ANKRD17: variants seen among roughly 807,000 people sequenced by gnomAD.
ANKRD17 encodes the protein ankyrin repeat domain 17, also known as ankyrin repeat domain-containing protein 17.
In ANKRD17, 19 loss-of-function variants were observed where a neutral mutation model predicts 229.7. The observed-to-expected ratio is 0.08, with a 90% CI of 0.06 to 0.12. The LOEUF is 0.12. Ranked by LOEUF, ANKRD17 falls within the 10% of genes least tolerant of loss-of-function variation. The pLI is 1.00. For synonymous variants in ANKRD17, 1,112 were observed against 1,146.1 expected (o/e 0.97, Z 0.60); for missense variants, 2,176 against 3,176.8 (o/e 0.68, Z 7.57).
At chr4:73,200,229 T>A (rs1207341793) in intron 1 of ANKRD17, among the ~76,000 whole-genome samples, 1 of 152,214 alleles carries the variant, frequency 6.6e-6, no homozygotes, top group Non-Finnish European at 1.5e-5. Context: ...TGGAGAGTTT[T>A]CAGGCACATT....
chr4:73,096,224 AG>A (rs1434822750), intron 27 of ANKRD17, among the ~76,000 whole-genome samples: 1 of 152,252 alleles, frequency 6.6e-6, no homozygotes, highest in Non-Finnish European at 1.5e-5. Context: ...ATAATCAGCC[AG>A]TGATCATCAT....
rs189490199 is a variant in ANKRD17 at position 73,209,635 on chromosome 4, C to T, written c.394-32102G>A. On this transcript the variant is annotated intron_variant, in intron 1 of 33. Transcript: ENST00000358602. ...TTTTACGAGGCTTGCATTTCCCTTA[C>T]GCAAAAAAGATCAAATATATTACAA... Among the ~76,000 whole-genome samples, 25 of 149,356 alleles carry T rather than the reference C, an allele frequency of 1.7e-4. No individual in the cohort carries two copies. The South Asian group carries it at 3.0e-3, about 18-fold the overall frequency.
chr4:73,258,297 G>A lies in ANKRD17; in HGVS notation c.372C>T (p.Asp124=). 6.2e-7 allele frequency: 1 copy of A among 1,613,028 alleles called. No homozygotes were observed. The highest frequency in any genetic ancestry group is 1.7e-5 in the Admixed American group (1 of 59,986). Residue 124 remains aspartate, a synonymous_variant, in exon 1 of 34, where the codon GAC becomes GAT. Transcript: ENST00000358602. ...TTGCCTCAGAAACCTCCTCTTCCTCGTCGTCGTCGTCCTCTTCTTCCTCGC... is the reference window on the plus strand; with the variant it reads ...TTGCCTCAGAAACCTCCTCTTCCTCATCGTCGTCGTCCTCTTCTTCCTCGC... ...NNSEEEEDDD[D]EEEEVSEVES... is the part of the protein sequence containing the mutation.
intron 24 of ANKRD17, among the ~76,000 whole-genome samples, chr4:73,109,793 GAAGA>G (rs887146642): frequency 7.2e-5 from 11 of 151,964 alleles, no homozygotes; most frequent in African/African-American, 2.4e-4. Flanking sequence ...GTGAGAATAA[GAAGA>G]AAGGAGTAAG....
In ANKRD17 at chr4:73,091,831, T is replaced by C. The variant is rs1368102610; in HGVS notation, c.5797A>G (p.Ser1933Gly). The change falls in exon 29 of 34, where the codon AGC becomes GGC. Residue 1933 changes from serine to glycine, a missense_variant. Transcript: ENST00000358602. The part of the protein sequence containing the change: ...TWGPFPVRPL[S>G]PARATNSPKP... ...GGCGAGTTAGTAGCTCTGGCAGGGC[T>C]CAAAGGCCTGACAGGAAACGGACCC... is the stretch of plus-strand genomic sequence containing the variant. The C allele has an allele frequency of 1.2e-6, 2 of 1,614,006 alleles. No individual in the cohort carries two copies. The highest frequency in any genetic ancestry group is 1.7e-6 in the Non-Finnish European group (2 of 1,180,034).
At position 73,250,304 on chromosome 4, in the gene ANKRD17, CA is replaced by C. The variant is rs1335020004; in HGVS notation, c.393+7971del. On this transcript the variant is annotated intron_variant, in intron 1 of 33. Coordinates refer to ENST00000358602, the MANE Select transcript of ANKRD17 (RefSeq NM_032217.5). The stretch of plus-strand genomic sequence containing the variant: ...AGCTTTGAGAAATTTCACCATATAT[CA>C]AAATTGTTTATAAAGGCTGCGCACA... Among the ~76,000 whole-genome samples, 5 of 152,050 alleles carry C rather than the reference CA, an allele frequency of 3.3e-5. No individual in the cohort carries two copies. The East Asian group carries it at 7.7e-4, about 24-fold the overall frequency.
chr4:73,246,331 G>A (rs1386737202), intron 1 of ANKRD17, among the ~76,000 whole-genome samples: 1 of 152,132 alleles, frequency 6.6e-6, no homozygotes, highest in African/African-American at 2.4e-5. Flanking sequence ...ACTACACAAT[G>A]GGTTGGGTGA....
intron 25 of ANKRD17, among the ~76,000 whole-genome samples, chr4:73,102,100 GCTA>G (rs1277638652): frequency 6.6e-6 from 1 of 151,918 alleles, no homozygotes; most frequent in Non-Finnish European, 1.5e-5. Flanking sequence ...ACAGGAGTAT[GCTA>G]CTGTGTCCAG....
chr4:73,114,784 T>C (rs576143456), intron 23 of ANKRD17, among the ~76,000 whole-genome samples: 6 of 152,328 alleles, frequency 3.9e-5, no homozygotes, highest in South Asian at 4.1e-4. Flanking sequence ...TTAAAACTTA[T>C]AGGGAAAAGC....
intron 1 of ANKRD17, among the ~76,000 whole-genome samples, chr4:73,191,337 A>ATGTGTGTGTGTGTGTGTGTGTG (rs1349894740): frequency 4.8e-5 from 3 of 61,916 alleles, no homozygotes; most frequent in African/African-American, 2.1e-4. Flanking sequence ...ACCAAAAAAT[A>ATGTGTGTGTGTGTGTGTGTGTG]TATATGTGTG....
chr4:73,243,855 G>T (rs1321420536), intron 1 of ANKRD17, among the ~76,000 whole-genome samples: 2 of 152,204 alleles, frequency 1.3e-5, no homozygotes, highest in African/African-American at 4.8e-5. Flanking sequence ...TCAAAAGGAA[G>T]TTACCTATGC....
chr4:73,139,896 T>G lies in ANKRD17; in HGVS notation c.2720A>C (p.Gln907Pro), dbSNP rs1412801263. 1.2e-6 allele frequency: 2 copies of G among 1,614,234 alleles called. No homozygotes were observed. The highest frequency in any genetic ancestry group is 1.6e-4 in the Middle Eastern group (1 of 6,062). The change falls in exon 15 of 34, where the codon CAA (glutamine) becomes CCA (proline). Residue 907 changes from glutamine to proline, a missense_variant. Physicochemically the swap from Gln to Pro is moderately conservative, Grantham distance 76. Transcript: ENST00000358602. ...AACAGGAGTTAGTAATCCCAGGTGT[T>G]GGCAAGACTGTTGCTGCTGTTGCTG... ...QLQQQQQQSC[Q>P]HLGLLTPVGV... is the part of the protein sequence containing the mutation.
intron 1 of ANKRD17, among the ~76,000 whole-genome samples, chr4:73,180,513 A>T (rs1480929456): frequency 6.6e-6 from 1 of 152,120 alleles, no homozygotes; most frequent in Non-Finnish European, 1.5e-5. Context: ...ACACAGAAAC[A>T]TTTACTTTCT....
In ANKRD17 at chr4:73,098,855, T is replaced by G. The variant is rs1723607456; in HGVS notation, c.4574-335A>C. On this transcript the variant is annotated intron_variant, in intron 25 of 33. Transcript: ENST00000358602. ...GTCGAGCTTGAAGTCCAGCCAGCCCTTGGCCTCCAAGCAGGAAATGGACAG... is the reference window on the plus strand; with the variant it reads ...GTCGAGCTTGAAGTCCAGCCAGCCCGTGGCCTCCAAGCAGGAAATGGACAG... 6 of 1,506,838 alleles carry G rather than the reference T, an allele frequency of 4.0e-6. No individual in the cohort carries two copies. The Admixed American group carries it at 1.0e-4, about 25-fold the overall frequency. The allele number at this position is 1,506,838 out of a possible 1,614,324, so 93.3% of individuals were successfully genotyped here. A position where few individuals can be genotyped will look rare whatever the true frequency, so the allele number is the denominator to read the frequency against.
chr4:73,187,746 A>C (rs542526177), intron 1 of ANKRD17, among the ~76,000 whole-genome samples: 4 of 152,312 alleles, frequency 2.6e-5, no homozygotes, highest in African/African-American at 4.8e-5. Context: ...CCAGATGCCA[A>C]GAACCTGGAC....
chr4:73,214,834 A>T (rs1740789049), intron 1 of ANKRD17, among the ~76,000 whole-genome samples: 2 of 141,206 alleles, frequency 1.4e-5, no homozygotes, highest in African/African-American at 2.6e-5. Context: ...ACAGAGTGAG[A>T]TTTCGTCTCT....
intron 1 of ANKRD17, among the ~76,000 whole-genome samples, chr4:73,232,301 G>C (rs1391261475): frequency 6.6e-6 from 1 of 152,098 alleles, no homozygotes; most frequent in Non-Finnish European, 1.5e-5. Flanking sequence ...TTGATCACAT[G>C]ACTTCCACCT....
At chr4:73,136,401 TA>T (rs974843004) in intron 15 of ANKRD17, among the ~76,000 whole-genome samples, 3 of 152,138 alleles carry the variant, frequency 2.0e-5, no homozygotes, top group Non-Finnish European at 4.4e-5. Flanking sequence ...TTATAACAAT[TA>T]TAAACATAAT....
chr4:73,202,028 T>G (rs981508274), intron 1 of ANKRD17, among the ~76,000 whole-genome samples: 7 of 152,160 alleles, frequency 4.6e-5, no homozygotes, highest in African/African-American at 1.7e-4. Flanking sequence ...AAGACTAAGA[T>G]GTGGCACTTT....
Sources: allele counts gnomAD v4.1 joint callset (sites outside exome capture counted in the v4.1 genomes callset), GRCh38; gene constraint gnomAD v4.1.1; transcripts MANE v1.5; gene names NCBI Gene and HGNC (gene_info 2026-07-23, HGNC 2026-07-21).